Variants in DYM observed in about 807,000 individuals in gnomAD.
The protein encoded by DYM is dymeclin.
Under a neutral mutation model 93.1 loss-of-function variants are expected in DYM, and 78 were observed. The ratio of observed to expected loss-of-function variants is 0.84; its 90% CI spans 0.70 to 1.01. The LOEUF is 1.01. Among genes scored for constraint, DYM ranks in the 50% least tolerant of loss-of-function variants. The probability of loss-of-function intolerance (pLI) is 0.00; values close to 1 mark genes in which losing one functional copy is unlikely to be tolerated. For synonymous variants in DYM, 321 were observed against 319.7 expected (o/e 1.00, Z -0.04); for missense variants, 789 against 845.0 (o/e 0.93, Z 0.82).
At chr18:49,366,511 T>G (rs1028045112) in intron 5 of DYM, among the ~76,000 whole-genome samples, 1 of 152,192 alleles carries the variant, frequency 6.6e-6, no homozygotes, top group African/African-American at 2.4e-5. Context: ...TCTCTCTCAA[T>G]GCTTGGTGCA....
chr18:49,134,360 C>G (rs2083644161), intron 15 of DYM, among the ~76,000 whole-genome samples: 1 of 152,122 alleles, frequency 6.6e-6, no homozygotes, highest in Admixed American at 6.5e-5. Flanking sequence ...CATTAAATAT[C>G]ACCTCACTTT....
At chr18:49,265,400 T>C (rs777878353) in intron 11 of DYM, among the ~76,000 whole-genome samples, 11 of 152,062 alleles carry the variant, frequency 7.2e-5, no homozygotes, top group Non-Finnish European at 1.2e-4. Flanking sequence ...TCTGACTAAA[T>C]AGTGGAAGGA....
At chr18:49,273,255 T>C (rs1333187602) in intron 10 of DYM, among the ~76,000 whole-genome samples, 1 of 152,196 alleles carries the variant, frequency 6.6e-6, no homozygotes. Context: ...GTTCAGTGCA[T>C]GAGCACTATT....
At chr18:49,056,574 G>A (rs1314018276) in intron 17 of DYM, among the ~76,000 whole-genome samples, 2 of 152,154 alleles carry the variant, frequency 1.3e-5, no homozygotes, top group Non-Finnish European at 2.9e-5. Flanking sequence ...GTCTCACTCT[G>A]TTGGCCAGGC....
intron 15 of DYM, among the ~76,000 whole-genome samples, chr18:49,119,718 A>G (rs2082209608): frequency 6.6e-6 from 1 of 152,190 alleles, no homozygotes; most frequent in Admixed American, 6.5e-5. Flanking sequence ...AAATATCAAC[A>G]CTACTAGACT....
At chr18:49,370,441 C>T (rs190090599) in intron 5 of DYM, among the ~76,000 whole-genome samples, 138 of 152,162 alleles carry the variant, frequency 9.1e-4, no homozygotes, top group African/African-American at 3.2e-3. Context: ...CTTCTTCCCT[C>T]ATTTAAAAAA....
chr18:49,409,931 A>G (rs1215226203), intron 2 of DYM, among the ~76,000 whole-genome samples: 3 of 152,234 alleles, frequency 2.0e-5, no homozygotes, highest in Non-Finnish European at 2.9e-5. Flanking sequence ...CGTGGAGCCT[A>G]TACGTAGTAC....
chr18:49,435,207 CAAAAAAAA>C (rs150003482), intron 1 of DYM, among the ~76,000 whole-genome samples: 1 of 88,768 alleles, frequency 1.1e-5, no homozygotes, highest in Admixed American at 1.3e-4. Flanking sequence ...GACTCCATCT[CAAAAAAAA>C]AAAAAAAAAA....
intron 13 of DYM, among the ~76,000 whole-genome samples, chr18:49,246,346 G>T (rs992320350): frequency 6.6e-6 from 1 of 152,066 alleles, no homozygotes; most frequent in Non-Finnish European, 1.5e-5. Context: ...CTGTTTCTTT[G>T]TCTTGGAAAA....
At chr18:49,125,191 C>T (rs1280939640) in intron 15 of DYM, among the ~76,000 whole-genome samples, 3 of 152,008 alleles carry the variant, frequency 2.0e-5, no homozygotes. Flanking sequence ...ACCCAGCAGG[C>T]GGAGGTTGCA....
chr18:49,226,214 G>A (rs1265680597), intron 13 of DYM, among the ~76,000 whole-genome samples: 4 of 152,080 alleles, frequency 2.6e-5, no homozygotes. Flanking sequence ...AAAATGTACA[G>A]GGAACTCATT....
intron 13 of DYM, among the ~76,000 whole-genome samples, chr18:49,227,928 G>A (rs893898981): frequency 6.6e-6 from 1 of 152,074 alleles, no homozygotes; most frequent in African/African-American, 2.4e-5. Context: ...TCTTCACTAA[G>A]TGTGACTCTT....
At chr18:49,122,137 A>G (rs1361777651) in intron 15 of DYM, among the ~76,000 whole-genome samples, 2 of 152,178 alleles carry the variant, frequency 1.3e-5, no homozygotes, top group South Asian at 2.1e-4. Flanking sequence ...CCTTGTTTCT[A>G]TGAATAAGGC....
chr18:49,396,462 A>G (rs536593893), intron 2 of DYM, among the ~76,000 whole-genome samples: 1 of 152,312 alleles, frequency 6.6e-6, no homozygotes, highest in African/African-American at 2.4e-5. Flanking sequence ...CCAAAAATCC[A>G]AAATCCAAAA....
intron 1 of DYM, among the ~76,000 whole-genome samples, chr18:49,443,391 C>G (rs148642547): frequency 6.6e-6 from 1 of 152,090 alleles, no homozygotes; most frequent in South Asian, 2.1e-4. Flanking sequence ...CTCAATGACA[C>G]GGTTTACTCA....
At chr18:49,393,038 G>A (rs2069498599) in intron 2 of DYM, among the ~76,000 whole-genome samples, 2 of 130,644 alleles carry the variant, frequency 1.5e-5, no homozygotes, top group South Asian at 5.5e-4. Context: ...AGGAGGAGGA[G>A]GAGGAGGAGG....
chr18:49,140,104 A>G (rs1389834390), intron 15 of DYM, among the ~76,000 whole-genome samples: 4 of 152,160 alleles, frequency 2.6e-5, no homozygotes, highest in African/African-American at 7.2e-5. Context: ...TCTGAACTCA[A>G]TGGACAGAGG....
intron 11 of DYM, among the ~76,000 whole-genome samples, chr18:49,263,690 C>T (rs2094525680): frequency 6.6e-6 from 1 of 151,920 alleles, no homozygotes; most frequent in African/African-American, 2.4e-5. Context: ...GATCGTGCCA[C>T]TGCACTCCAG....
At chr18:49,310,635 A>G (rs1039014048) in intron 8 of DYM, among the ~76,000 whole-genome samples, 1 of 152,236 alleles carries the variant, frequency 6.6e-6, no homozygotes, top group African/African-American at 2.4e-5. Context: ...ATATTTTCCA[A>G]ATACAGAGTA....
Sources: allele counts gnomAD v4.1 joint callset (sites outside exome capture counted in the v4.1 genomes callset), GRCh38; gene constraint gnomAD v4.1.1; transcripts MANE v1.5; gene names NCBI Gene and HGNC (gene_info 2026-07-23, HGNC 2026-07-21).